Variants in LRRIQ3 observed in about 807,000 individuals in gnomAD.
LRRIQ3 encodes leucine-rich repeat and IQ domain-containing protein 3.
In LRRIQ3, 75 loss-of-function variants were observed where a neutral mutation model predicts 59.3. The observed-to-expected ratio is 1.26, with a 90% CI of 1.05 to 1.53. LRRIQ3 has a LOEUF of 1.53. Ranked by LOEUF, LRRIQ3 falls within the 40% of genes most tolerant of loss-of-function variation. LRRIQ3 has a pLI of 0.00. For synonymous variants in LRRIQ3, 250 were observed against 231.3 expected (o/e 1.08, Z -0.73); for missense variants, 831 against 710.0 (o/e 1.17, Z -1.94).
chr1:74,040,563 CA>C (rs1654013137), intron 7 of LRRIQ3, among the ~76,000 whole-genome samples: 2 of 152,200 alleles, frequency 1.3e-5, no homozygotes, highest in Admixed American at 6.5e-5. Context: ...TCAGCAAATG[CA>C]AAAGAACTGA....
rs567116609 is a variant in LRRIQ3, at chr1:74,109,376, T to C, written c.867+18A>G. ...TTAAATACATTTCAAATAAAAATAA[T>C]AAACTAATTATACTTACATGTTTCC... On this transcript the variant is annotated intron_variant, in intron 5 of 7. Transcript: ENST00000354431. The C allele has an allele frequency of 1.4e-6, 2 of 1,412,660 alleles. No homozygotes were observed. Among genetic ancestry groups the C allele is most frequent in the African/African-American group, 2.9e-5 (2 of 68,892 alleles). The allele number at this position is 1,412,660 out of a possible 1,614,324, so 87.5% of individuals were successfully genotyped here. A position where few individuals can be genotyped will look rare whatever the true frequency, so the allele number is the denominator to read the frequency against.
At chr1:74,096,378 T>C (rs1405226318) in intron 5 of LRRIQ3, among the ~76,000 whole-genome samples, 1 of 152,136 alleles carries the variant, frequency 6.6e-6, no homozygotes, top group Non-Finnish European at 1.5e-5. Context: ...TGAGAACCAC[T>C]ATTATACAGA....
intron 7 of LRRIQ3, among the ~76,000 whole-genome samples, chr1:74,031,978 TA>T (rs1190731415): frequency 4.6e-5 from 7 of 151,860 alleles, no homozygotes. Context: ...AAAAGAAATT[TA>T]AAAAGATCTA....
chr1:74,079,577 G>A (rs1053537874), intron 5 of LRRIQ3, among the ~76,000 whole-genome samples: 4 of 151,724 alleles, frequency 2.6e-5, no homozygotes, highest in African/African-American at 4.8e-5. Flanking sequence ...GTTTGCTAAC[G>A]TAGGTTAAGA....
chr1:74,123,076 G>T (rs1330709439), intron 4 of LRRIQ3, among the ~76,000 whole-genome samples: 1 of 152,014 alleles, frequency 6.6e-6, no homozygotes, highest in East Asian at 1.9e-4. Flanking sequence ...AAAATTAAAA[G>T]CATTATTTCC....
In LRRIQ3 at chr1:74,026,808, T is replaced by C. The variant is rs532862862; in HGVS notation, c.*5A>G. 6.4e-5 allele frequency: 102 copies of C among 1,594,896 alleles called. 1 individual carries two copies. The South Asian group carries it at 9.8e-4, about 15-fold the overall frequency. ...GATGATCATAGGATGTGATCTGGCATTGATTCATTTTATCAGTCCATTGGG... is the reference window on the plus strand; with the variant it reads ...GATGATCATAGGATGTGATCTGGCACTGATTCATTTTATCAGTCCATTGGG... On this transcript the variant is annotated 3_prime_UTR_variant, in exon 8 of 8. Transcript: ENST00000354431.
At position 74,109,537 on chromosome 1, in the gene LRRIQ3, T is replaced by G. The variant is rs756509723; in HGVS notation, c.724A>C (p.Lys242Gln). 2.6e-6 allele frequency: 4 copies of G among 1,561,924 alleles called. No individual in the cohort carries two copies. In the African/African-American group the frequency reaches 4.2e-5, roughly 16 times the overall value. Residue 242 changes from lysine (K) to glutamine (Q), a missense_variant, in exon 5 of 8, where the codon AAA becomes CAA. Lys to Gln is a moderately conservative substitution (Grantham distance 53). Transcript: ENST00000354431. The part of the protein sequence containing the change: ...RKNLSPVFFH[K>Q]KKQQEKIIRG... ...ATAATTTTTTCCTGCTGTTTTTTTT[T>G]GTGGAAAAACACAGGGCTGAATATA...
chr1:74,097,082 CAG>C (rs1469838281), intron 5 of LRRIQ3, among the ~76,000 whole-genome samples: 1 of 152,134 alleles, frequency 6.6e-6, no homozygotes, highest in Non-Finnish European at 1.5e-5. Flanking sequence ...AGCTGTCAGA[CAG>C]GGACATTTAA....
intron 7 of LRRIQ3, among the ~76,000 whole-genome samples, chr1:74,030,032 A>C (rs1653650015): frequency 6.6e-6 from 1 of 152,102 alleles, no homozygotes; most frequent in African/African-American, 2.4e-5. Context: ...CGTTTCAAAG[A>C]GAATAAAATA....
chr1:74,100,956 C>G (rs2100541968), intron 5 of LRRIQ3, among the ~76,000 whole-genome samples: 2 of 152,220 alleles, frequency 1.3e-5, no homozygotes, highest in South Asian at 2.1e-4. Context: ...CATAAAAACC[C>G]TAGAAGAAAA....
chr1:74,028,714 T>A (rs115513507), intron 7 of LRRIQ3, among the ~76,000 whole-genome samples: 3,995 of 152,024 alleles, frequency 0.026, 173 homozygotes, highest in African/African-American at 0.092. Context: ...CTGTATTATT[T>A]TTTTTCATCT....
At chr1:74,073,807 T>G (rs1302246671) in intron 6 of LRRIQ3, among the ~76,000 whole-genome samples, 1 of 152,022 alleles carries the variant, frequency 6.6e-6, no homozygotes, top group Non-Finnish European at 1.5e-5. Context: ...GAGAAGCCCT[T>G]GAGAAAAATA....
intron 4 of LRRIQ3, among the ~76,000 whole-genome samples, chr1:74,111,010 G>A (rs1160963627): frequency 1.3e-5 from 2 of 151,902 alleles, no homozygotes; most frequent in Non-Finnish European, 2.9e-5. Flanking sequence ...ACATAAAATC[G>A]AAGTTGTACT....
intron 1 of LRRIQ3, among the ~76,000 whole-genome samples, chr1:74,188,109 C>T (rs530630476): frequency 5.3e-5 from 8 of 152,004 alleles, no homozygotes; most frequent in Non-Finnish European, 8.8e-5. Context: ...GAGATCATGT[C>T]CTTTACAGGA....
chr1:74,026,681 T>C lies in LRRIQ3; in HGVS notation c.*132A>G. 1.5e-6 allele frequency: 1 copy of C among 686,732 alleles called. No homozygotes were observed. The highest frequency in any genetic ancestry group is 2.2e-6 in the Non-Finnish European group (1 of 444,940). The allele number at this position is 686,732 out of a possible 1,614,324, so 42.5% of individuals were successfully genotyped here. The stretch of plus-strand genomic sequence containing the variant: ...AAACATTTTAACTAATCTTTATATT[T>C]TTAGAAGACTTATATATAAATCCAT... On this transcript the variant is annotated 3_prime_UTR_variant, in exon 8 of 8. Coordinates refer to ENST00000354431, the MANE Select transcript of LRRIQ3 (RefSeq NM_001105659.2).
chr1:74,049,791 T>C (rs188316460), intron 6 of LRRIQ3, among the ~76,000 whole-genome samples: 165 of 152,324 alleles, frequency 1.1e-3, no homozygotes, highest in African/African-American at 3.6e-3. Flanking sequence ...CTTTCACTAA[T>C]GTAATGTCAT....
At chr1:74,045,657 G>C (rs533247207) in intron 6 of LRRIQ3, among the ~76,000 whole-genome samples, 1 of 152,156 alleles carries the variant, frequency 6.6e-6, no homozygotes, top group Non-Finnish European at 1.5e-5. Context: ...AGTAGGAAAA[G>C]AGGAAGTCAA....
intron 1 of LRRIQ3, among the ~76,000 whole-genome samples, chr1:74,197,007 C>G (rs974051005): frequency 2.6e-5 from 4 of 152,180 alleles, no homozygotes; most frequent in Admixed American, 6.5e-5. Context: ...CTCTCTCTGA[C>G]CTTCTCTCGC....
intron 6 of LRRIQ3, among the ~76,000 whole-genome samples, chr1:74,051,137 G>A (rs1357703020): frequency 6.6e-6 from 1 of 152,104 alleles, no homozygotes; most frequent in Non-Finnish European, 1.5e-5. Context: ...GTAAAGAAGT[G>A]CTATGCTGGA....
Sources: gnomAD v4.1 joint callset for allele counts (sites outside exome capture counted in the v4.1 genomes callset) on GRCh38, gnomAD v4.1.1 for gene constraint, MANE v1.5 for transcripts, NCBI Gene and HGNC (gene_info 2026-07-23, HGNC 2026-07-21) for gene names.